The following WDR7 variants were observed in gnomAD, a reference collection of about 807,000 sequenced individuals.
WDR7 encodes the protein WD repeat domain 7, also known as WD repeat-containing protein 7.
WDR7 carries 46 observed loss-of-function variants against 169.4 expected under a neutral mutation model. The observed-to-expected ratio is 0.27, with a 90% CI of 0.21 to 0.35. WDR7 has a LOEUF of 0.35. Ranked by LOEUF, WDR7 falls within the 10% of genes least tolerant of loss-of-function variation. WDR7 has a pLI of 1.00. For synonymous variants in WDR7, 612 were observed against 666.8 expected (o/e 0.92, Z 1.27); for missense variants, 1,534 against 1,859.3 (o/e 0.83, Z 3.22).
chr18:56,801,058 T>C lies in WDR7; in HGVS notation c.3191-14973T>C, dbSNP rs2044665651. Among the ~76,000 whole-genome samples the C allele has an allele frequency of 4.6e-5, 7 of 152,328 alleles. No individual in the cohort carries two copies. In the South Asian group the frequency reaches 1.5e-3, roughly 32 times the overall value. On this transcript the variant is annotated intron_variant, in intron 19 of 27. Coordinates refer to ENST00000254442, the MANE Select transcript of WDR7 (RefSeq NM_015285.3). ...GTGTGTGTCTGTATATTAAAGTGGA[T>C]ATGAGTTCATACTGATATTTCTCAT...
At chr18:57,025,047 T>A (rs1278417927) in intron 27 of WDR7, among the ~76,000 whole-genome samples, 1 of 152,226 alleles carries the variant, frequency 6.6e-6, no homozygotes, top group East Asian at 1.9e-4. Context: ...CTAAAATCTT[T>A]ACATCTAGAG....
At chr18:56,882,331 G>A (rs11151983) in intron 21 of WDR7, among the ~76,000 whole-genome samples, 103,030 of 152,042 alleles carry the variant, frequency 0.68, 37,075 homozygotes, top group East Asian at 0.83. Flanking sequence ...TGGTGTGGTG[G>A]CTTTCAAACT....
At chr18:56,868,663 A>T (rs1258685649) in intron 20 of WDR7, among the ~76,000 whole-genome samples, 1 of 152,134 alleles carries the variant, frequency 6.6e-6, no homozygotes, top group East Asian at 1.9e-4. Flanking sequence ...ATATCTGAGA[A>T]TGATATGCTG....
chr18:56,852,024 A>T (rs2045647864), intron 20 of WDR7, among the ~76,000 whole-genome samples: 1 of 152,148 alleles, frequency 6.6e-6, no homozygotes, highest in African/African-American at 2.4e-5. Flanking sequence ...TTCATTTCTC[A>T]GCCTCTGACC....
intron 20 of WDR7, among the ~76,000 whole-genome samples, chr18:56,834,422 T>C (rs1434827268): frequency 6.6e-6 from 1 of 152,136 alleles, no homozygotes; most frequent in Non-Finnish European, 1.5e-5. Flanking sequence ...CCTATCCAGT[T>C]GTGGGGCTCA....
At chr18:56,732,938 C>T (rs1174613956) in intron 14 of WDR7, among the ~76,000 whole-genome samples, 1 of 151,744 alleles carries the variant, frequency 6.6e-6, no homozygotes, top group African/African-American at 2.4e-5. Context: ...TGATGGTATC[C>T]CCTAGAAGTA....
chr18:56,727,535 G>C (rs1487972517), intron 13 of WDR7, among the ~76,000 whole-genome samples: 1 of 152,150 alleles, frequency 6.6e-6, no homozygotes. Context: ...AGGGAGGAGT[G>C]CTGAGCGAAG....
chr18:56,830,166 CA>C (rs745546065), intron 20 of WDR7, among the ~76,000 whole-genome samples: 1 of 152,160 alleles, frequency 6.6e-6, no homozygotes, highest in Non-Finnish European at 1.5e-5. Context: ...TGAATTTTAT[CA>C]CAGTGTTTCA....
intron 10 of WDR7, 43 bp downstream of exon 10, chr18:56,694,803 A>G (rs2025661564): frequency 7.0e-6 from 11 of 1,568,460 alleles, no homozygotes; most frequent in Non-Finnish European, 9.5e-6. Flanking sequence ...TTAATTTAAT[A>G]TCTTAAATAC....
intron 19 of WDR7, among the ~76,000 whole-genome samples, chr18:56,800,106 C>T (rs1453794413): frequency 6.6e-6 from 1 of 152,022 alleles, no homozygotes. Context: ...TCTCTGTGGT[C>T]TTCTTACTGT....
chr18:56,838,994 A>T (rs79736704), intron 20 of WDR7, among the ~76,000 whole-genome samples: 2,223 of 152,262 alleles, frequency 0.015, 50 homozygotes, highest in African/African-American at 0.049. Flanking sequence ...TAATTAGCAT[A>T]CATTTATTCA....
At chr18:56,957,472 A>G (rs1173431754) in intron 25 of WDR7, 2 of 150,666 alleles carry the variant, frequency 1.3e-5, no homozygotes, top group Middle Eastern at 3.4e-3. Flanking sequence ...TGAATGGGAA[A>G]AAAAAAAAAA....
chr18:56,754,064 A>G (rs2043835441), intron 14 of WDR7, among the ~76,000 whole-genome samples: 1 of 152,004 alleles, frequency 6.6e-6, no homozygotes, highest in African/African-American at 2.4e-5. Flanking sequence ...TGTAATTACT[A>G]TTAATATTTT....
intron 17 of WDR7, among the ~76,000 whole-genome samples, chr18:56,777,704 A>C (rs994286472): frequency 1.3e-5 from 2 of 152,218 alleles, no homozygotes; most frequent in African/African-American, 4.8e-5. Context: ...TTCATGAAAA[A>C]GCATTTTTCA....
intron 19 of WDR7, among the ~76,000 whole-genome samples, chr18:56,788,002 C>G (rs56303488): frequency 6.6e-6 from 1 of 152,150 alleles, no homozygotes; most frequent in African/African-American, 2.4e-5. Context: ...AACTACACAG[C>G]GTTCTTCCTT....
At chr18:56,849,642 C>A (rs376288011) in intron 20 of WDR7, among the ~76,000 whole-genome samples, 1 of 152,186 alleles carries the variant, frequency 6.6e-6, no homozygotes, top group Non-Finnish European at 1.5e-5. Flanking sequence ...CTTGTGGCTG[C>A]TCTTGTCTTC....
chr18:56,892,302 A>G (rs571931847), intron 21 of WDR7, among the ~76,000 whole-genome samples: 2 of 152,220 alleles, frequency 1.3e-5, no homozygotes, highest in East Asian at 3.9e-4. Context: ...TAATTGTTCT[A>G]TACCAGTTGT....
chr18:56,916,551 T>A (rs987111611), intron 21 of WDR7, among the ~76,000 whole-genome samples: 3 of 152,132 alleles, frequency 2.0e-5, no homozygotes, highest in African/African-American at 7.2e-5. Context: ...AAATTACAAA[T>A]GGAAGGCTGG....
In WDR7 at chr18:56,676,102, T is replaced by C. The variant is rs1376522598; in HGVS notation, c.160-3230T>C. 3.3e-5 allele frequency among the ~76,000 whole-genome samples: 5 copies of C among 152,348 alleles called. No individual in the cohort carries two copies. The East Asian group carries it at 9.6e-4, about 29-fold the overall frequency. ...AAAATTGTTATACCCTCTTGCTGAATTGACTCCTTCATTATTATATAGTGA... is the reference window on the plus strand; with the variant it reads ...AAAATTGTTATACCCTCTTGCTGAACTGACTCCTTCATTATTATATAGTGA... On this transcript the variant is annotated intron_variant, in intron 2 of 27. Transcript: ENST00000254442.
Sources: allele counts gnomAD v4.1 joint callset (sites outside exome capture counted in the v4.1 genomes callset), GRCh38; gene constraint gnomAD v4.1.1; transcripts MANE v1.5; gene names NCBI Gene and HGNC (gene_info 2026-07-23, HGNC 2026-07-21).